The following RHOQ variants were observed in gnomAD, a reference collection of about 807,000 sequenced individuals.
RHOQ encodes the protein ras homolog family member Q.
Under a neutral mutation model 25.8 loss-of-function variants are expected in RHOQ, and 7 were observed. That is an observed-to-expected ratio of 0.27 (90% CI 0.15 to 0.51). RHOQ has a LOEUF of 0.51. Among genes scored for constraint, RHOQ ranks in the 20% least tolerant of loss-of-function variants. RHOQ has a pLI of 0.97. For synonymous variants in RHOQ, 97 were observed against 98.6 expected, an observed-to-expected ratio of 0.98 and a Z score of 0.10; for missense variants, 165 against 260.6, an observed-to-expected ratio of 0.63 and a Z score of 2.53.
intron 2 of RHOQ, among the ~76,000 whole-genome samples, chr2:46,544,550 G>A (rs1449297185): frequency 6.6e-6 from 1 of 152,220 alleles, no homozygotes; most frequent in Non-Finnish European, 1.5e-5. Context: ...CTCTGGCCAG[G>A]GTTTGCACAT....
At chr2:46,567,231 C>T (rs530761654) in intron 2 of RHOQ, among the ~76,000 whole-genome samples, 24 of 152,228 alleles carry the variant, frequency 1.6e-4, no homozygotes, top group African/African-American at 5.8e-4. Context: ...AGTAATCAGG[C>T]CTGCACCTAT....
chr2:46,581,758 C>T lies in RHOQ; in HGVS notation c.*675C>T. 2 of 981,978 alleles carry T rather than the reference C, an allele frequency of 2.0e-6. No homozygotes were observed. The highest frequency in any genetic ancestry group is 1.9e-5 in the South Asian group (1 of 52,510). The allele number at this position is 981,978 out of a possible 1,614,324, so 60.8% of individuals were successfully genotyped here. On this transcript the variant is annotated 3_prime_UTR_variant, in exon 5 of 5. Coordinates refer to ENST00000238738, the MANE Select transcript of RHOQ (RefSeq NM_012249.4). ...TTATCATGAACACTAAAAATGTACA[C>T]ATTTTAGTTAATGTGCATTAAACTG...
At chr2:46,545,690 T>A (rs1213338848) in intron 2 of RHOQ, among the ~76,000 whole-genome samples, 1 of 152,158 alleles carries the variant, frequency 6.6e-6, no homozygotes, top group Non-Finnish European at 1.5e-5. Flanking sequence ...GAAGTAGTTA[T>A]ACACACAGGA....
At chr2:46,554,891 C>A (rs1572740215) in intron 2 of RHOQ, among the ~76,000 whole-genome samples, 1 of 151,976 alleles carries the variant, frequency 6.6e-6, no homozygotes, top group African/African-American at 2.4e-5. Context: ...AGTGTGCCCC[C>A]TCTAGGAGCA....
rs1014439339 is a variant in RHOQ, at chr2:46,561,041, C to A, written c.202-15046C>A. Among the ~76,000 whole-genome samples the A allele has an allele frequency of 6.1e-5, 9 of 147,154 alleles. No homozygotes were observed. The East Asian group carries it at 9.9e-4, about 16-fold the overall frequency. ...ACACACACACACACACACACACACA[C>A]AAAACCTGTATATAGACATATATCT... On this transcript the variant is annotated intron_variant, in intron 2 of 4. Transcript: ENST00000238738.
chr2:46,552,429 T>G lies in RHOQ; in HGVS notation c.201+8617T>G, dbSNP rs897580432. 3.5e-4 allele frequency among the ~76,000 whole-genome samples: 54 copies of G among 152,252 alleles called. No homozygotes were observed. Among genetic ancestry groups the G allele is most frequent in the Middle Eastern group, 3.4e-3 (1 of 294 alleles). ...CCAGCTTTAGCCTGCAAATGACGGG[T>G]GTCGTTTGTGTCCCATGGGGGCTAC... On this transcript the variant is annotated intron_variant, in intron 2 of 4. Coordinates refer to ENST00000238738, the MANE Select transcript of RHOQ (RefSeq NM_012249.4). The surrounding 1 kb of genome is among the most constrained non-coding windows in gnomAD (Gnocchi z 5.0).
rs956936287 is a variant in RHOQ, at chr2:46,576,383, C to T, written c.366+132C>T. 1.0e-6 allele frequency: 1 copy of T among 962,354 alleles called. No homozygotes were observed. The highest frequency in any genetic ancestry group is 2.7e-5 in the Admixed American group (1 of 37,276). The allele number at this position is 962,354 out of a possible 1,614,324, so 59.6% of individuals were successfully genotyped here. On this transcript the variant is annotated intron_variant, in intron 3 of 4. Coordinates refer to ENST00000238738, the MANE Select transcript of RHOQ (RefSeq NM_012249.4). The surrounding 1 kb of genome is among the most constrained non-coding windows in gnomAD (Gnocchi z 5.1). ...AATCTCAGCTGCAAGTTAATGAGTT[C>T]TATCATATTTTTGGAAAAAATTGTG... is the stretch of plus-strand genomic sequence containing the variant.
Position 46,552,457 on chromosome 2 carries a change from C to T in RHOQ, c.201+8645C>T, listed in dbSNP as rs775617901. ...CGTTTGTGTCCCATGGGGGCTACCT[C>T]AGGCCTTTCCTTTCTCCCTTCAAGG... is the stretch of plus-strand genomic sequence containing the variant. On this transcript the variant is annotated intron_variant, in intron 2 of 4. Transcript: ENST00000238738. The surrounding 1 kb of genome is among the most constrained non-coding windows in gnomAD (Gnocchi z 5.0). 6.6e-6 allele frequency among the ~76,000 whole-genome samples: 1 copy of T among 152,230 alleles called. No homozygotes were observed. The highest frequency in any genetic ancestry group is 1.9e-4 in the East Asian group (1 of 5,196).
At chr2:46,557,595 A>C (rs116206803) in intron 2 of RHOQ, among the ~76,000 whole-genome samples, 1 of 152,184 alleles carries the variant, frequency 6.6e-6, no homozygotes, top group African/African-American at 2.4e-5. Context: ...TTAGAAATTT[A>C]CTTCTTTATA....
chr2:46,550,431 T>G (rs1668205288), intron 2 of RHOQ, among the ~76,000 whole-genome samples: 1 of 152,144 alleles, frequency 6.6e-6, no homozygotes, highest in South Asian at 2.1e-4. Flanking sequence ...GGGCAGGCCA[T>G]CAGTTTTGTC....
Position 46,581,842 on chromosome 2 carries a change from C to T in RHOQ, c.*759C>T. ...GACGCTCCCCAAAGTGCATGAGACACATGCTAAAATTACAAATTAAAATTT... is the reference window on the plus strand; with the variant it reads ...GACGCTCCCCAAAGTGCATGAGACATATGCTAAAATTACAAATTAAAATTT... On this transcript the variant is annotated 3_prime_UTR_variant, in exon 5 of 5. Coordinates refer to ENST00000238738, the MANE Select transcript of RHOQ (RefSeq NM_012249.4). 3.0e-6 allele frequency: 1 copy of T among 335,646 alleles called. No homozygotes were observed. Among genetic ancestry groups the T allele is most frequent in the Non-Finnish European group, 5.2e-6 (1 of 190,982 alleles). 20.8% of individuals were successfully genotyped at this position (335,646 alleles called of 1,614,324 possible).
rs373092471 is a variant in RHOQ, at chr2:46,543,857, G to T, written c.201+45G>T. 4.8e-5 allele frequency: 75 copies of T among 1,570,044 alleles called. No individual in the cohort carries two copies. In the Middle Eastern group the frequency reaches 8.3e-4, roughly 17 times the overall value. Reference sequence around the variant, plus strand: ...GCCGACGCCCCCCTCCTGTTCCCCAGTTCTTTGTGGCTGCGAAGGGCCTTT... The same window carrying T: ...GCCGACGCCCCCCTCCTGTTCCCCATTTCTTTGTGGCTGCGAAGGGCCTTT... On this transcript the variant is annotated intron_variant, in intron 2 of 4. Coordinates refer to ENST00000238738, the MANE Select transcript of RHOQ (RefSeq NM_012249.4).
chr2:46,552,744 G>C lies in RHOQ; in HGVS notation c.201+8932G>C, dbSNP rs546084570. Among the ~76,000 whole-genome samples the C allele has an allele frequency of 1.3e-5, 2 of 152,232 alleles. No homozygotes were observed. Among genetic ancestry groups the C allele is most frequent in the African/African-American group, 4.8e-5 (2 of 41,458 alleles). ...CCTGAGCACCAGATCTGGGCCAGGG[G>C]CAGGTGTTAGAAGATCTGTCAGGCA... On this transcript the variant is annotated intron_variant, in intron 2 of 4. Coordinates refer to ENST00000238738, the MANE Select transcript of RHOQ (RefSeq NM_012249.4). The surrounding 1 kb of genome is among the most constrained non-coding windows in gnomAD (Gnocchi z 5.0).
At chr2:46,562,299 G>A (rs1037443148) in intron 2 of RHOQ, among the ~76,000 whole-genome samples, 1 of 151,904 alleles carries the variant, frequency 6.6e-6, no homozygotes, top group African/African-American at 2.4e-5. Context: ...AGAAAGAGAG[G>A]AATGACACCA....
Position 46,543,809 on chromosome 2 carries a change from A to T in RHOQ, c.198A>T (p.Gly66=). 1.2e-6 allele frequency: 2 copies of T among 1,613,332 alleles called. No individual in the cohort carries two copies. Among genetic ancestry groups the T allele is most frequent in the Non-Finnish European group, 1.7e-6 (2 of 1,179,654 alleles). ...TCCTAGGACTCTATGACACGGCCGG[A>T]CAGGTGAGTGTCTTGGCCTCTGGCC... The part of the protein sequence containing the change: ...QYLLGLYDTA[G]QEDYDRLRPL... The change falls in exon 2 of 5, where the codon GGA becomes GGT. Residue 66 remains glycine, a synonymous_variant. Coordinates refer to ENST00000238738, the MANE Select transcript of RHOQ (RefSeq NM_012249.4).
rs539900199 is a variant in RHOQ at position 46,569,821 on chromosome 2, AAAAAG to A, written c.202-6256_202-6252del. ...CATTTCACAACTGAACTGAAAATTA[AAAAAG>A]AAAAGAAAACACCAGATGTTTGCAA... On this transcript the variant is annotated intron_variant, in intron 2 of 4. Transcript: ENST00000238738. The surrounding 1 kb of genome is among the most constrained non-coding windows in gnomAD (Gnocchi z 4.1). 2.6e-5 allele frequency among the ~76,000 whole-genome samples: 4 copies of A among 152,232 alleles called. No homozygotes were observed. The highest frequency in any genetic ancestry group is 4.8e-5 in the African/African-American group (2 of 41,466).
intron 2 of RHOQ, among the ~76,000 whole-genome samples, chr2:46,558,904 C>T (rs984991463): frequency 6.6e-6 from 1 of 151,850 alleles, no homozygotes; most frequent in African/African-American, 2.4e-5. Flanking sequence ...GTGCCTTTTC[C>T]TGTTGTCTGG....
intron 1 of RHOQ, 132 bp from the exon 2 acceptor site, chr2:46,543,622 G>A (rs1320985344): frequency 1.3e-6 from 1 of 743,420 alleles, no homozygotes; most frequent in Non-Finnish European, 2.3e-6. Context: ...GGAAAAGGGG[G>A]TGACATCTCG....
rs566878374 is a variant in RHOQ, at chr2:46,552,055, C to T, written c.201+8243C>T. Among the ~76,000 whole-genome samples the T allele has an allele frequency of 3.9e-5, 6 of 152,340 alleles. No homozygotes were observed. The highest frequency in any genetic ancestry group is 1.4e-4 in the African/African-American group (6 of 41,572). On this transcript the variant is annotated intron_variant, in intron 2 of 4. Coordinates refer to ENST00000238738, the MANE Select transcript of RHOQ (RefSeq NM_012249.4). The surrounding 1 kb of genome is among the most constrained non-coding windows in gnomAD (Gnocchi z 5.0). ...TAATCATCTGGCCCATGTTAAATGCCTCTTTTATCACATGCACTGTTGTTC... is the reference window on the plus strand; with the variant it reads ...TAATCATCTGGCCCATGTTAAATGCTTCTTTTATCACATGCACTGTTGTTC...
Sources: gnomAD v4.1 joint callset for allele counts (sites outside exome capture counted in the v4.1 genomes callset) on GRCh38, gnomAD v4.1.1 for gene constraint, Gnocchi (gnomAD v3.1) non-coding constraint, MANE v1.5 for transcripts, NCBI Gene and HGNC (gene_info 2026-07-23, HGNC 2026-07-21) for gene names.